The following NAALADL2 variants were observed in gnomAD, a reference collection of about 807,000 sequenced individuals.
The protein encoded by NAALADL2 is inactive N-acetylated-alpha-linked acidic dipeptidase-like protein 2.
NAALADL2 carries 76 observed loss-of-function variants against 87.2 expected under a neutral mutation model. The ratio of observed to expected loss-of-function variants is 0.87; its 90% CI spans 0.72 to 1.05. The LOEUF (loss-of-function observed/expected upper bound fraction) is 1.05. Among genes scored for constraint, NAALADL2 ranks in the 50% least tolerant of loss-of-function variants. The pLI is 0.00. For synonymous variants in NAALADL2, 354 were observed against 331.0 expected (o/e 1.07, Z -0.75); for missense variants, 1,089 against 945.8 (o/e 1.15, Z -1.99).
intron 1 of NAALADL2, among the ~76,000 whole-genome samples, chr3:175,088,786 A>G (rs1427141246): frequency 6.6e-6 from 1 of 152,198 alleles, no homozygotes; most frequent in Non-Finnish European, 1.5e-5. Context: ...CTATCAAGCT[A>G]TGAGGCTCCT....
intron 2 of NAALADL2, among the ~76,000 whole-genome samples, chr3:174,667,635 T>C (rs573901062): frequency 6.8e-6 from 1 of 147,794 alleles, no homozygotes; most frequent in South Asian, 2.2e-4. Context: ...ATAGTGGGCA[T>C]ACTTTGGGTT....
At position 174,486,418 on chromosome 3, in the gene NAALADL2, T is replaced by G. The variant is rs530950792; in HGVS notation, c.-184+45386T>G. ...CCCCTCGATGGCTGGGTCCCCCTAG[T>G]GCTTTTAAAACCTCAAACTTGTCCA... On this transcript the variant is annotated intron_variant, in intron 1 of 3. Coordinates refer to the NAALADL2 transcript ENST00000434257. Among the ~76,000 whole-genome samples the G allele has an allele frequency of 2.6e-5, 4 of 152,174 alleles. No homozygotes were observed. In the East Asian group the frequency reaches 7.7e-4, roughly 29 times the overall value.
intron 5 of NAALADL2, among the ~76,000 whole-genome samples, chr3:175,364,349 A>G (rs939211337): frequency 6.8e-6 from 1 of 147,888 alleles, no homozygotes. Flanking sequence ...AAATCAAAGG[A>G]AGAGAATATG....
At chr3:174,454,046 G>A (rs559506738) in intron 1 of NAALADL2, among the ~76,000 whole-genome samples, 25 of 152,244 alleles carry the variant, frequency 1.6e-4, no homozygotes. Context: ...TTAAAATAAA[G>A]GGATGGAGAG....
intron 2 of NAALADL2, among the ~76,000 whole-genome samples, chr3:174,724,443 A>G (rs1190866338): frequency 6.6e-6 from 1 of 152,186 alleles, no homozygotes; most frequent in Admixed American, 6.5e-5. Context: ...TGGTAGACTA[A>G]TATGGTAATC....
chr3:174,655,068 C>A (rs1172336394), intron 2 of NAALADL2, among the ~76,000 whole-genome samples: 2 of 152,140 alleles, frequency 1.3e-5, no homozygotes, highest in African/African-American at 4.8e-5. Flanking sequence ...AAACCTTGTA[C>A]TGCAGTGTGA....
chr3:175,453,263 T>C (rs76891761), intron 6 of NAALADL2, among the ~76,000 whole-genome samples: 3,715 of 152,278 alleles, frequency 0.024, 161 homozygotes, highest in East Asian at 0.14. Context: ...CCTATCTTTA[T>C]ATTTTTATGT....
At chr3:174,633,360 A>G (rs1473169351) in intron 2 of NAALADL2, among the ~76,000 whole-genome samples, 1 of 152,204 alleles carries the variant, frequency 6.6e-6, no homozygotes, top group Non-Finnish European at 1.5e-5. Context: ...AGTCTTTAAA[A>G]CACTTAAAGC....
At chr3:175,790,812 C>T (rs967379795) in intron 13 of NAALADL2, among the ~76,000 whole-genome samples, 1 of 152,186 alleles carries the variant, frequency 6.6e-6, no homozygotes, top group Non-Finnish European at 1.5e-5. Flanking sequence ...AAAAAGATAA[C>T]TCTTTCTTTC....
intron 5 of NAALADL2, among the ~76,000 whole-genome samples, chr3:175,440,548 C>T (rs545456232): frequency 1.2e-4 from 19 of 152,140 alleles, no homozygotes; most frequent in Admixed American, 7.9e-4. Flanking sequence ...TTTGTGTCAT[C>T]GATGATTTCT....
intron 11 of NAALADL2, among the ~76,000 whole-genome samples, chr3:175,693,484 G>A (rs955688573): frequency 7.2e-5 from 11 of 152,126 alleles, no homozygotes; most frequent in African/African-American, 2.2e-4. Context: ...ACAAAGGGCA[G>A]ACATCTCTTT....
chr3:175,200,049 C>G (rs1422902757), intron 2 of NAALADL2, among the ~76,000 whole-genome samples: 2 of 151,166 alleles, frequency 1.3e-5, no homozygotes, highest in Non-Finnish European at 1.5e-5. Flanking sequence ...TGGCATGATT[C>G]TGTCTCTTTC....
intron 2 of NAALADL2, among the ~76,000 whole-genome samples, chr3:175,116,386 C>A (rs189780533): frequency 8.0e-4 from 122 of 152,166 alleles, no homozygotes; most frequent in Admixed American, 3.9e-3. Context: ...TCAGCAAAGT[C>A]TCAGGATACA....
chr3:174,489,788 G>C (rs988753929), intron 1 of NAALADL2, among the ~76,000 whole-genome samples: 9 of 152,030 alleles, frequency 5.9e-5, no homozygotes, highest in African/African-American at 2.2e-4. Flanking sequence ...ACACCCACTG[G>C]GGTGGCAAAA....
intron 1 of NAALADL2, chr3:175,060,092 C>G: frequency 3.7e-6 from 1 of 269,286 alleles, no homozygotes; most frequent in East Asian, 1.0e-4. Flanking sequence ...TGTGGGCACC[C>G]CTGCTAAGAG....
chr3:175,154,175 CTG>C (rs986934528), intron 2 of NAALADL2, among the ~76,000 whole-genome samples: 6 of 152,182 alleles, frequency 3.9e-5, no homozygotes, highest in African/African-American at 1.4e-4. Context: ...TTTTTCATAT[CTG>C]AGGCTGCCTT....
At chr3:175,504,581 C>CTCTG (rs1730020762) in intron 9 of NAALADL2, among the ~76,000 whole-genome samples, 1 of 66,176 alleles carries the variant, frequency 1.5e-5, no homozygotes, top group Non-Finnish European at 2.8e-5. Flanking sequence ...CTCTCTCTCT[C>CTCTG]TCTCTCTCTC....
chr3:175,723,384 G>A (rs1230012519), intron 11 of NAALADL2, among the ~76,000 whole-genome samples: 1 of 152,108 alleles, frequency 6.6e-6, no homozygotes, highest in Non-Finnish European at 1.5e-5. Flanking sequence ...GAGGCCCATA[G>A]AAGTTCAAGT....
At chr3:174,504,266 T>G (rs1317582145) in intron 1 of NAALADL2, among the ~76,000 whole-genome samples, 2 of 152,156 alleles carry the variant, frequency 1.3e-5, no homozygotes, top group African/African-American at 4.8e-5. Context: ...GAACAGAATA[T>G]TTATTCTACA....
Sources: allele counts gnomAD v4.1 joint callset (sites outside exome capture counted in the v4.1 genomes callset), GRCh38; gene constraint gnomAD v4.1.1; transcripts MANE v1.5; gene names NCBI Gene and HGNC (gene_info 2026-07-23, HGNC 2026-07-21).